PCDH15: variants seen among roughly 807,000 people sequenced by gnomAD.
PCDH15 encodes the protein protocadherin related 15.
In PCDH15, 129 loss-of-function variants were observed where a neutral mutation model predicts 178.5. The ratio of observed to expected loss-of-function variants is 0.72; its 90% CI spans 0.63 to 0.84. The LOEUF (loss-of-function observed/expected upper bound fraction) is 0.84, where lower values mean the gene tolerates loss of function less well. Among genes scored for constraint, PCDH15 ranks in the 40% least tolerant of loss-of-function variants. The pLI is 0.00. For synonymous variants in PCDH15, 800 were observed against 732.0 expected (o/e 1.09, Z -1.50); for missense variants, 2,230 against 2,099.9 (o/e 1.06, Z -1.21).
At position 54,752,497 on chromosome 10, in the gene PCDH15, AAC is replaced by A. The variant is rs1946432611; in HGVS notation, c.-29+48426_-29+48427del. 3.9e-4 allele frequency among the ~76,000 whole-genome samples: 37 copies of A among 95,922 alleles called. 2 individuals carry two copies. Among genetic ancestry groups the A allele is most frequent in the African/African-American group, 1.2e-3 (28 of 22,606 alleles). 62.9% of individuals were successfully genotyped at this position (95,922 alleles called of 152,430 possible). A position where few individuals can be genotyped will look rare whatever the true frequency, so the allele number is the denominator to read the frequency against. ...GTCTCAAAAAAAAAAAAAAACAAAA[AAC>A]AAAAAACAAAAAACAAACAAACAAA... On this transcript the variant is annotated intron_variant, in intron 1 of 37. Transcript: ENST00000644397.
At chr10:53,977,442 G>T (rs941910930) in intron 21 of PCDH15, among the ~76,000 whole-genome samples, 1 of 152,212 alleles carries the variant, frequency 6.6e-6, no homozygotes, top group African/African-American at 2.4e-5. Flanking sequence ...CGACAAGCTT[G>T]ATCCTAGACC....
rs1837471639 is a variant in PCDH15 at position 55,624,103 on chromosome 10, T to C, written c.-156+3522A>G. Among the ~76,000 whole-genome samples the C allele has an allele frequency of 2.6e-5, 4 of 151,432 alleles. No homozygotes were observed. The South Asian group carries it at 8.3e-4, about 31-fold the overall frequency. On this transcript the variant is annotated intron_variant, in intron 2 of 5. Transcript: ENST00000613346. ...AGAAGCCCTTGAACTGTGGCAGAAA[T>C]TCTGGATGCTCTGTCACTATGTGTC... is the stretch of plus-strand genomic sequence containing the variant.
intron 1 of PCDH15, among the ~76,000 whole-genome samples, chr10:55,251,592 G>T (rs10763188): frequency 0.28 from 43,003 of 151,840 alleles, 6,263 homozygotes; most frequent in East Asian, 0.39. Flanking sequence ...GAAGGACATC[G>T]CCTATATTTT....
intron 10 of PCDH15, among the ~76,000 whole-genome samples, chr10:54,212,760 TATTA>T (rs1221497411): frequency 6.6e-6 from 1 of 152,202 alleles, no homozygotes; most frequent in Non-Finnish European, 1.5e-5. Context: ...AGGACATATC[TATTA>T]ATTGTTAAAC....
chr10:55,204,662 T>C (rs932139469), intron 1 of PCDH15, among the ~76,000 whole-genome samples: 17 of 151,994 alleles, frequency 1.1e-4, no homozygotes, highest in African/African-American at 2.2e-4. Flanking sequence ...AGAGAGAAAA[T>C]TGAGTCAGGA....
intron 1 of PCDH15, among the ~76,000 whole-genome samples, chr10:55,298,912 T>C (rs1191996416): frequency 6.6e-6 from 1 of 152,148 alleles, no homozygotes; most frequent in East Asian, 1.9e-4. Flanking sequence ...ACATATCCAA[T>C]GTCTCAAGTA....
intron 3 of PCDH15, among the ~76,000 whole-genome samples, chr10:54,485,622 T>C (rs1423700632): frequency 6.6e-6 from 1 of 152,000 alleles, no homozygotes; most frequent in Non-Finnish European, 1.5e-5. Context: ...AACTGTGATA[T>C]ATTCATGAGA....
chr10:55,588,454 A>G (rs1842770229), intron 2 of PCDH15, among the ~76,000 whole-genome samples: 1 of 152,154 alleles, frequency 6.6e-6, no homozygotes, highest in Non-Finnish European at 1.5e-5. Flanking sequence ...AAACAATTAA[A>G]AGAAACCCCA....
chr10:54,926,609 T>C (rs1450961338), intron 2 of PCDH15, among the ~76,000 whole-genome samples: 1 of 151,998 alleles, frequency 6.6e-6, no homozygotes, highest in Non-Finnish European at 1.5e-5. Flanking sequence ...TTGTAGGCTA[T>C]TTATAACTGA....
At chr10:55,522,116 C>A (rs937559153) in intron 2 of PCDH15, among the ~76,000 whole-genome samples, 1 of 151,818 alleles carries the variant, frequency 6.6e-6, no homozygotes, top group Non-Finnish European at 1.5e-5. Context: ...TTTTTAGGAA[C>A]TTCCATACTG....
At chr10:54,004,962 A>C (rs1014881121) in intron 20 of PCDH15, among the ~76,000 whole-genome samples, 55 of 143,978 alleles carry the variant, frequency 3.8e-4, no homozygotes, top group African/African-American at 1.2e-3. Flanking sequence ...AAAAAAAAAA[A>C]ACACACATAT....
rs1564506687 is a variant in PCDH15, at chr10:53,806,753, T to C, written c.5049A>G (p.Thr1683=). The C allele has an allele frequency of 1.2e-6, 2 of 1,613,876 alleles. No homozygotes were observed. Among genetic ancestry groups the C allele is most frequent in the South Asian group, 1.1e-5 (1 of 91,084 alleles). The change falls in exon 38 of 38, where the codon ACA becomes ACG. Residue 1683 remains threonine, a synonymous_variant. Transcript: ENST00000644397. ...GCCTGTTCCTTAGTGGCTTCACCGC[T>C]GTATTGTCAGTCCCCACAGGGCAAG... is the stretch of plus-strand genomic sequence containing the variant. ...FAPCPVGTDN[T]AVKPLRNRLK... is the part of the protein sequence containing the mutation.
chr10:55,476,475 G>T (rs1840064404), intron 2 of PCDH15, among the ~76,000 whole-genome samples: 2 of 151,992 alleles, frequency 1.3e-5, no homozygotes, highest in East Asian at 3.9e-4. Context: ...AATATTCCAA[G>T]AATATTCTCT....
chr10:54,542,219 T>C (rs1351339062), intron 2 of PCDH15, among the ~76,000 whole-genome samples: 2 of 152,216 alleles, frequency 1.3e-5, no homozygotes, highest in Non-Finnish European at 2.9e-5. Flanking sequence ...ACTGTGCTAA[T>C]ATTTACCTTT....
intron 8 of PCDH15, among the ~76,000 whole-genome samples, chr10:54,300,572 C>T (rs955611099): frequency 1.3e-5 from 2 of 152,146 alleles, no homozygotes; most frequent in Non-Finnish European, 2.9e-5. Context: ...GAGTGGTCAT[C>T]GCCCAATTCC....
intron 1 of PCDH15, among the ~76,000 whole-genome samples, chr10:54,676,382 C>G (rs994397185): frequency 6.6e-6 from 1 of 151,978 alleles, no homozygotes; most frequent in African/African-American, 2.4e-5. Flanking sequence ...AAAGCCCTCT[C>G]TATCCTAAAA....
intron 2 of PCDH15, among the ~76,000 whole-genome samples, chr10:54,544,171 G>A (rs1590012679): frequency 1.3e-5 from 2 of 152,214 alleles, no homozygotes; most frequent in South Asian, 4.1e-4. Flanking sequence ...AACTTTTGTT[G>A]GCAAGTTTAG....
chr10:55,224,223 A>G (rs190591755), intron 1 of PCDH15, among the ~76,000 whole-genome samples: 14 of 152,256 alleles, frequency 9.2e-5, no homozygotes, highest in African/African-American at 3.1e-4. Flanking sequence ...AACAAAACAA[A>G]AAAACAAAAA....
At chr10:54,699,010 T>C (rs1377672872) in intron 1 of PCDH15, among the ~76,000 whole-genome samples, 1 of 152,104 alleles carries the variant, frequency 6.6e-6, no homozygotes, top group Non-Finnish European at 1.5e-5. Flanking sequence ...ATCAAATGAG[T>C]GTGTTCATAA....
Sources: gnomAD v4.1 joint callset for allele counts (sites outside exome capture counted in the v4.1 genomes callset) on GRCh38, gnomAD v4.1.1 for gene constraint, MANE v1.5 for transcripts, NCBI Gene and HGNC (gene_info 2026-07-23, HGNC 2026-07-21) for gene names.